Variants in LRRTM4 observed in about 807,000 individuals in gnomAD.
LRRTM4 encodes the protein leucine rich repeat transmembrane neuronal 4, also known as leucine-rich repeat transmembrane neuronal protein 4.
A neutral mutation model predicts 47.6 loss-of-function variants in LRRTM4; 25 were observed. The observed-to-expected ratio is 0.53, with a 90% CI of 0.38 to 0.73. LRRTM4 has a LOEUF of 0.73. Ranked by LOEUF, LRRTM4 falls within the 30% of genes least tolerant of loss-of-function variation. LRRTM4 has a pLI of 0.00. For missense variants in LRRTM4, 638 were observed against 713.4 expected, an observed-to-expected ratio of 0.89 and a Z score of 1.20; for synonymous variants, 311 against 269.5, an observed-to-expected ratio of 1.15 and a Z score of -1.51.
chr2:76,856,989 ATT>A (rs1558696140), intron 3 of LRRTM4, among the ~76,000 whole-genome samples: 1 of 152,024 alleles, frequency 6.6e-6, no homozygotes, highest in East Asian at 1.9e-4. Flanking sequence ...AACAAAATAA[ATT>A]TCTCTCTTAA....
intron 3 of LRRTM4, among the ~76,000 whole-genome samples, chr2:77,248,907 CA>C (rs1558652618): frequency 6.6e-6 from 1 of 151,800 alleles, no homozygotes; most frequent in African/African-American, 2.4e-5. Context: ...AAATGGATCA[CA>C]AACCCAAATA....
intron 3 of LRRTM4, among the ~76,000 whole-genome samples, chr2:77,356,098 C>G (rs2104305260): frequency 6.6e-6 from 1 of 152,142 alleles, no homozygotes; most frequent in South Asian, 2.1e-4. Context: ...TGTCTCAAAA[C>G]AATGACAAAA....
At chr2:76,844,417 G>A (rs1671779663) in intron 3 of LRRTM4, among the ~76,000 whole-genome samples, 2 of 152,142 alleles carry the variant, frequency 1.3e-5, no homozygotes, top group South Asian at 4.1e-4. Context: ...TTACAGGTGT[G>A]AGCCACCGTG....
At chr2:77,207,288 G>A (rs1674154929) in intron 3 of LRRTM4, among the ~76,000 whole-genome samples, 1 of 141,826 alleles carries the variant, frequency 7.1e-6, no homozygotes, top group Non-Finnish European at 1.5e-5. Flanking sequence ...ATATGTGTGT[G>A]TATATATATA....
rs566463165 is a variant in LRRTM4 at position 77,522,204 on chromosome 2, G to A, written c.-243C>T. Reference sequence around the variant, plus strand: ...TTGAAGCAAGTAGGCCTCCTGTGCTGTATGAGACCCCAGTTTAAAAGCTAT... The same window carrying A: ...TTGAAGCAAGTAGGCCTCCTGTGCTATATGAGACCCCAGTTTAAAAGCTAT... On this transcript the variant is annotated 5_prime_UTR_variant, in exon 1 of 4. Transcript: ENST00000409884. 2.9e-6 allele frequency: 2 copies of A among 698,160 alleles called. No individual in the cohort carries two copies. Among genetic ancestry groups the A allele is most frequent in the Middle Eastern group, 2.4e-4 (1 of 4,208 alleles). The allele number at this position is 698,160 out of a possible 1,614,324, so 43.2% of individuals were successfully genotyped here.
intron 3 of LRRTM4, among the ~76,000 whole-genome samples, chr2:76,808,531 T>A (rs186871225): frequency 6.6e-6 from 1 of 152,144 alleles, no homozygotes; most frequent in African/African-American, 2.4e-5. Context: ...CAATCACAAT[T>A]TTGGGGGTTG....
At chr2:77,222,927 T>C (rs1461139199) in intron 3 of LRRTM4, among the ~76,000 whole-genome samples, 9 of 152,158 alleles carry the variant, frequency 5.9e-5, no homozygotes, top group African/African-American at 2.4e-5. Flanking sequence ...TAGACCAATA[T>C]CCCTGATGAA....
At chr2:76,917,855 T>C (rs1674306186) in intron 3 of LRRTM4, among the ~76,000 whole-genome samples, 2 of 152,172 alleles carry the variant, frequency 1.3e-5, no homozygotes, top group Admixed American at 1.3e-4. Context: ...TTGGTTTTCC[T>C]CTATTTTTCA....
intron 3 of LRRTM4, among the ~76,000 whole-genome samples, chr2:77,202,111 C>A (rs1417973996): frequency 1.3e-5 from 2 of 151,912 alleles, no homozygotes; most frequent in Non-Finnish European, 2.9e-5. Context: ...TGAGAGGATA[C>A]CAGGAATGTT....
At chr2:77,058,986 C>G (rs1018467459) in intron 3 of LRRTM4, among the ~76,000 whole-genome samples, 1 of 152,048 alleles carries the variant, frequency 6.6e-6, no homozygotes, top group Non-Finnish European at 1.5e-5. Flanking sequence ...TAACCAATTT[C>G]TAAGTGACTT....
chr2:77,257,851 TA>T (rs1297095151), intron 3 of LRRTM4, among the ~76,000 whole-genome samples: 1 of 151,754 alleles, frequency 6.6e-6, no homozygotes, highest in Non-Finnish European at 1.5e-5. Flanking sequence ...GCAATACCCA[TA>T]AGGGAAATAT....
intron 3 of LRRTM4, among the ~76,000 whole-genome samples, chr2:77,148,972 G>T (rs544850900): frequency 4.5e-4 from 69 of 152,138 alleles, no homozygotes; most frequent in African/African-American, 1.6e-3. Context: ...ATAACCCTTA[G>T]TTATGTAAAT....
intron 3 of LRRTM4, among the ~76,000 whole-genome samples, chr2:77,052,463 C>T (rs913324918): frequency 2.0e-5 from 3 of 151,906 alleles, no homozygotes; most frequent in African/African-American, 7.3e-5. Context: ...GCCACCATGC[C>T]CAGCCGACAT....
intron 3 of LRRTM4, among the ~76,000 whole-genome samples, chr2:77,256,492 G>A (rs1349519826): frequency 6.6e-6 from 1 of 152,088 alleles, no homozygotes; most frequent in African/African-American, 2.4e-5. Flanking sequence ...CCAGTGGGAG[G>A]TAATTGAATC....
chr2:77,287,294 T>A (rs1204013518), intron 3 of LRRTM4, among the ~76,000 whole-genome samples: 1 of 152,008 alleles, frequency 6.6e-6, no homozygotes, highest in African/African-American at 2.4e-5. Flanking sequence ...GAGCAAGGCA[T>A]GGGGAAAAAT....
intron 3 of LRRTM4, among the ~76,000 whole-genome samples, chr2:76,896,790 C>T (rs1673431547): frequency 6.7e-6 from 1 of 149,032 alleles, no homozygotes; most frequent in South Asian, 2.2e-4. Context: ...GCAGTGAGGT[C>T]TGCATGAGAT....
intron 3 of LRRTM4, among the ~76,000 whole-genome samples, chr2:76,962,905 T>A (rs1675906233): frequency 6.6e-6 from 1 of 150,648 alleles, no homozygotes; most frequent in Non-Finnish European, 1.5e-5. Context: ...AGCCAAAAGT[T>A]GATTTAGAAA....
At chr2:76,852,674 T>C (rs1378843591) in intron 3 of LRRTM4, among the ~76,000 whole-genome samples, 1 of 152,194 alleles carries the variant, frequency 6.6e-6, no homozygotes, top group Non-Finnish European at 1.5e-5. Flanking sequence ...ATTTCAACTT[T>C]CCTGGTCCTG....
intron 3 of LRRTM4, among the ~76,000 whole-genome samples, chr2:76,795,335 G>A (rs1214947285): frequency 6.9e-6 from 1 of 144,580 alleles, no homozygotes; most frequent in Admixed American, 7.3e-5. Context: ...CATCTTTCAT[G>A]TCTGTGAGTT....
Sources: allele counts gnomAD v4.1 joint callset (sites outside exome capture counted in the v4.1 genomes callset), GRCh38; gene constraint gnomAD v4.1.1; transcripts MANE v1.5; gene names NCBI Gene and HGNC (gene_info 2026-07-23, HGNC 2026-07-21).